The following WASHC2A variants were observed in gnomAD, a reference collection of about 807,000 sequenced individuals.
WASHC2A encodes the protein WASH complex subunit FAM21A.
WASHC2A carries 82 observed loss-of-function variants against 140.3 expected under a neutral mutation model. The ratio of observed to expected loss-of-function variants is 0.58; its 90% confidence interval spans 0.49 to 0.70. The LOEUF (loss-of-function observed/expected upper bound fraction) is 0.70, where lower values mean the gene tolerates loss of function less well. Ranked by LOEUF, WASHC2A falls within the 30% of genes least tolerant of loss-of-function variation. WASHC2A has a pLI of 0.00. For missense variants in WASHC2A, 985 were observed against 1,521.8 expected (o/e 0.65, Z 5.87); for synonymous variants, 340 against 560.8 (o/e 0.61, Z 5.56).
Position 50,087,302 on chromosome 10 carries a change from A to G in WASHC2A, c.712A>G (p.Ser238Gly). 2 of 1,613,988 alleles carry G rather than the reference A, an allele frequency of 1.2e-6. No individual in the cohort carries two copies. The highest frequency in any genetic ancestry group is 3.3e-5 in the Admixed American group (2 of 60,024). Residue 238 changes from serine to glycine, a missense_variant, in exon 8 of 31, where the codon AGT (serine) becomes GGT (glycine). By Grantham distance (56) the Ser-to-Gly change is moderately conservative. Transcript: ENST00000282633. ...GTCAGATGAAGATTTTGCCCATCATAGTGACAATGAACAAAACCGGGTAAG... is the reference window on the plus strand; with the variant it reads ...GTCAGATGAAGATTTTGCCCATCATGGTGACAATGAACAAAACCGGGTAAG... ...EESDEDFAHH[S>G]DNEQNRHTTQ...
Position 50,077,049 on chromosome 10 carries a change from A to G in WASHC2A, c.292-1626A>G, listed in dbSNP as rs1300727810. ...GGAGAATGGCGTGAACCCAGGAGGC[A>G]GAGCTTGCAGTGAGCCGAGATCGCA... On this transcript the variant is annotated intron_variant, in intron 3 of 30. Coordinates refer to ENST00000282633, the MANE Select transcript of WASHC2A (RefSeq NM_001005751.3). Among the ~76,000 whole-genome samples the G allele has an allele frequency of 9.4e-3, 1,417 of 151,338 alleles. 8 individuals carry two copies. The highest frequency in any genetic ancestry group is 0.019 in the Admixed American group (286 of 15,184).
chr10:50,090,286 G>C (rs1247039038), intron 8 of WASHC2A, among the ~76,000 whole-genome samples: 1 of 149,146 alleles, frequency 6.7e-6, no homozygotes, highest in Non-Finnish European at 1.5e-5. Context: ...TGGATCACCT[G>C]AAGTCAGGAG....
At position 50,109,894 on chromosome 10, in the gene WASHC2A, C is replaced by T. The variant is rs1294684617; in HGVS notation, c.1870-207C>T. On this transcript the variant is annotated intron_variant, in intron 19 of 30. Transcript: ENST00000282633. ...ACTCCATTCTCCTGCCTCAGCCTCC[C>T]GAGTAGCTGGGACTACAGGCTCCCG... Among the ~76,000 whole-genome samples, 7 of 151,952 alleles carry T rather than the reference C, an allele frequency of 4.6e-5. 1 individual carries two copies. The South Asian group carries it at 8.3e-4, about 18-fold the overall frequency.
At chr10:50,102,808 GTCTT>G (rs1261139977) in intron 17 of WASHC2A, among the ~76,000 whole-genome samples, 1 of 150,096 alleles carries the variant, frequency 6.7e-6, no homozygotes, top group Non-Finnish European at 1.5e-5. Flanking sequence ...CAACTTGCAG[GTCTT>G]TCTTTGCAGG....
At chr10:50,107,532 T>G (rs1413516315) in intron 19 of WASHC2A, among the ~76,000 whole-genome samples, 3 of 151,938 alleles carry the variant, frequency 2.0e-5, no homozygotes, top group Non-Finnish European at 4.4e-5. Context: ...GGCAAGTTAA[T>G]AGGGGGTGAA....
intron 3 of WASHC2A, among the ~76,000 whole-genome samples, chr10:50,077,604 A>G (rs1159191648): frequency 6.6e-6 from 1 of 152,134 alleles, no homozygotes; most frequent in Non-Finnish European, 1.5e-5. Context: ...CCACTGTCTA[A>G]TGCCAGAAGA....
At chr10:50,112,185 C>G in intron 20 of WASHC2A, 3 of 980,778 alleles carry the variant, frequency 3.1e-6, no homozygotes, top group Non-Finnish European at 3.6e-6. Context: ...CCACTACCCC[C>G]ACCCCACACA....
chr10:50,125,528 A>G, intron 25 of WASHC2A, 79 bp downstream of exon 25: 1 of 1,611,314 alleles, frequency 6.2e-7, no homozygotes, highest in Non-Finnish European at 8.5e-7. Flanking sequence ...TTAGATCATT[A>G]AGGAAAATCC....
At position 50,117,985 on chromosome 10, in the gene WASHC2A, C is replaced by T. The variant is rs1465105272; in HGVS notation, c.2222C>T (p.Ser741Phe). The change falls in exon 22 of 31, where the codon TCT becomes TTT. Residue 741 changes from serine to phenylalanine, a missense_variant. By Grantham distance (155) the Ser-to-Phe change is radical. Transcript: ENST00000282633. ...AAGGAGGCACAACTTGGAGTGAAGTCTGTGGATAAGAAGGTTGAGAGTGCC... is the reference window on the plus strand; with the variant it reads ...AAGGAGGCACAACTTGGAGTGAAGTTTGTGGATAAGAAGGTTGAGAGTGCC... ...EEKEAQLGVK[S>F]VDKKVESAKE... 6.3e-7 allele frequency: 1 copy of T among 1,590,714 alleles called. No individual in the cohort carries two copies. Among genetic ancestry groups the T allele is most frequent in the Non-Finnish European group, 8.6e-7 (1 of 1,163,086 alleles).
chr10:50,094,558 G>A (rs1840264663), intron 13 of WASHC2A, among the ~76,000 whole-genome samples: 1 of 152,216 alleles, frequency 6.6e-6, no homozygotes. Flanking sequence ...CTTGGGACTT[G>A]GGAATTAGTG....
intron 8 of WASHC2A, among the ~76,000 whole-genome samples, chr10:50,089,897 G>A (rs1298897058): frequency 2.2e-4 from 33 of 152,060 alleles, no homozygotes; most frequent in Admixed American, 7.9e-4. Flanking sequence ...ATCACCTGAG[G>A]TCAGGAGTTC....
chr10:50,131,593 A>T (rs1332237008), intron 30 of WASHC2A, among the ~76,000 whole-genome samples: 2 of 152,202 alleles, frequency 1.3e-5, no homozygotes, highest in Non-Finnish European at 2.9e-5. Context: ...TGTCTTCCTT[A>T]TATGGCACAA....
chr10:50,074,920 AAAT>A (rs1482505125), intron 3 of WASHC2A, among the ~76,000 whole-genome samples: 1 of 141,528 alleles, frequency 7.1e-6, no homozygotes, highest in Admixed American at 7.6e-5. Flanking sequence ...CGTCTCAAAA[AAAT>A]AATAATAAAT....
Position 50,087,964 on chromosome 10 carries a change from C to T in WASHC2A, c.732+642C>T, listed in dbSNP as rs1399925856. Among the ~76,000 whole-genome samples, 40 of 151,570 alleles carry T rather than the reference C, an allele frequency of 2.6e-4. No homozygotes were observed. The East Asian group carries it at 7.6e-3, about 29-fold the overall frequency. ...CCGAGTAGCTGGCATTACAGGTGCC[C>T]ACCACCATGCTCAGCCAACTTTTTT... On this transcript the variant is annotated intron_variant, in intron 8 of 30. Transcript: ENST00000282633.
At chr10:50,112,083 T>G in intron 20 of WASHC2A, 1 of 984,596 alleles carries the variant, frequency 1.0e-6, no homozygotes, top group Non-Finnish European at 1.2e-6. Context: ...AAGTAGGGAG[T>G]CGAGGGCGGT....
intron 17 of WASHC2A, among the ~76,000 whole-genome samples, chr10:50,103,108 C>T (rs1841376111): frequency 6.6e-6 from 1 of 150,942 alleles, no homozygotes; most frequent in Non-Finnish European, 1.5e-5. Context: ...CCCCAGCCTC[C>T]CAAAATGCTG....
Position 50,084,743 on chromosome 10 carries a change from C to T in WASHC2A, c.622+578C>T, listed in dbSNP as rs1183704034. 2.1e-5 allele frequency among the ~76,000 whole-genome samples: 3 copies of T among 142,944 alleles called. No individual in the cohort carries two copies. The Admixed American group carries it at 2.1e-4, about 10-fold the overall frequency. The allele number at this position is 142,944 out of a possible 152,430, so 93.8% of individuals were successfully genotyped here. On this transcript the variant is annotated intron_variant, in intron 6 of 30. Transcript: ENST00000282633. ...CGTGCCCGGCTGTTTTTCTTTCTTT[C>T]TTTCTTTTTGAGCCGGAGTTTCTCT...
At chr10:50,106,011 A>C (rs1316390310) in intron 18 of WASHC2A, among the ~76,000 whole-genome samples, 38 of 152,196 alleles carry the variant, frequency 2.5e-4, no homozygotes, top group Non-Finnish European at 4.6e-4. Flanking sequence ...AACCCCCTGA[A>C]ATGAGCAGAG....
At chr10:50,084,745 T>TTCTG (rs1839239244) in intron 6 of WASHC2A, among the ~76,000 whole-genome samples, 1 of 144,804 alleles carries the variant, frequency 6.9e-6, no homozygotes, top group African/African-American at 2.6e-5. Context: ...CTTTCTTTCT[T>TTCTG]TCTTTTTGAG....
Sources: allele counts gnomAD v4.1 joint callset (sites outside exome capture counted in the v4.1 genomes callset), GRCh38; gene constraint gnomAD v4.1.1; transcripts MANE v1.5; gene names NCBI Gene and HGNC (gene_info 2026-07-23, HGNC 2026-07-21).